Variants in SRP9 observed in about 807,000 individuals in gnomAD.
The protein encoded by SRP9 is signal recognition particle 9 kDa protein.
A neutral mutation model predicts 11.7 loss-of-function variants in SRP9; 2 were observed. The observed-to-expected ratio is 0.17, with a 90% CI of 0.07 to 0.54. SRP9 has a LOEUF of 0.54. Among genes scored for constraint, SRP9 ranks in the 20% least tolerant of loss-of-function variants. The pLI is 0.94. For missense variants in SRP9, 54 were observed against 108.1 expected, an observed-to-expected ratio of 0.50 and a Z score of 2.22; for synonymous variants, 27 against 35.6, an observed-to-expected ratio of 0.76 and a Z score of 0.86.
At chr1:225,784,229 C>CTTTTTTTTTTTTTTTTTTTTTTTTT in intron 2 of SRP9, among the ~76,000 whole-genome samples, 1 of 34,420 alleles carries the variant, frequency 2.9e-5, no homozygotes, top group Non-Finnish European at 5.0e-5. Context: ...ATCACCTGTT[C>CTTTTTTTTTTTTTTTTTTTTTTTTT]TTTTTTTTTT....
At chr1:225,784,805 G>A (rs2102649893) in intron 2 of SRP9, among the ~76,000 whole-genome samples, 1 of 151,988 alleles carries the variant, frequency 6.6e-6, no homozygotes, top group East Asian at 2.0e-4. Flanking sequence ...TCGTGCCACT[G>A]CACTCCAGCC....
intron 2 of SRP9, among the ~76,000 whole-genome samples, chr1:225,788,666 G>C (rs531127322): frequency 3.9e-5 from 6 of 151,950 alleles, no homozygotes; most frequent in African/African-American, 1.4e-4. Context: ...CGCCTGCCTC[G>C]GCCTCCCAGA....
intron 2 of SRP9, among the ~76,000 whole-genome samples, chr1:225,784,387 C>T (rs1214713370): frequency 2.0e-5 from 3 of 150,216 alleles, no homozygotes; most frequent in African/African-American, 7.3e-5. Flanking sequence ...GCTGGGACTA[C>T]AGGCACCCAC....
intron 2 of SRP9, among the ~76,000 whole-genome samples, chr1:225,786,421 A>G (rs1665918215): frequency 6.6e-6 from 1 of 152,194 alleles, no homozygotes; most frequent in Non-Finnish European, 1.5e-5. Context: ...TTAAATAGTT[A>G]GTTCTTTTGA....
intron 1 of SRP9, among the ~76,000 whole-genome samples, chr1:225,782,353 ACGGGGTTTCAC>A (rs1266802205): frequency 6.6e-6 from 1 of 151,832 alleles, no homozygotes; most frequent in Non-Finnish European, 1.5e-5. Flanking sequence ...TTTAGTAGAG[ACGGGGTTTCAC>A]CGTGTTAGCC....
chr1:225,783,181 C>A, intron 1 of SRP9, 119 bp from the exon 2 acceptor site: 2 of 662,626 alleles, frequency 3.0e-6, no homozygotes, highest in Non-Finnish European at 5.0e-6. Context: ...GTAAAAATGC[C>A]TTTAGATGTT....
chr1:225,786,401 T>G (rs1461707772), intron 2 of SRP9, among the ~76,000 whole-genome samples: 2 of 152,270 alleles, frequency 1.3e-5, no homozygotes, highest in African/African-American at 2.4e-5. Flanking sequence ...GAGCACTCAG[T>G]AAACATTTTT....
chr1:225,788,573 G>A (rs1049027957), intron 2 of SRP9, among the ~76,000 whole-genome samples: 6 of 151,934 alleles, frequency 3.9e-5, no homozygotes, highest in Admixed American at 1.3e-4. Context: ...ACGCCACCAC[G>A]CCCAGCTAAT....
intron 1 of SRP9, among the ~76,000 whole-genome samples, chr1:225,780,178 ATTTTTTTTTTTT>A (rs67816765): frequency 3.1e-5 from 4 of 130,178 alleles, no homozygotes; most frequent in Admixed American, 8.2e-5. Context: ...TGCCTGCCTA[ATTTTTTTTTTTT>A]TTTTTTTTTT....
intron 1 of SRP9, among the ~76,000 whole-genome samples, chr1:225,783,001 A>G (rs530057878): frequency 1.3e-5 from 2 of 152,348 alleles, no homozygotes; most frequent in East Asian, 3.9e-4. Context: ...CCACCTTATA[A>G]GTCTCACAGA....
In SRP9 at chr1:225,790,111, T is replaced by C. The variant is rs1484159852; in HGVS notation, c.*752T>C. ...ATTACAGAAATATTTACTACATATT[T>C]TCCATCTGTAGTTTCTCAGAAGGGC... On this transcript the variant is annotated 3_prime_UTR_variant, in exon 3 of 3. Coordinates refer to ENST00000304786, the MANE Select transcript of SRP9 (RefSeq NM_003133.6). 1 of 152,200 alleles carries C rather than the reference T, an allele frequency of 6.6e-6. No individual in the cohort carries two copies. The highest frequency in any genetic ancestry group is 2.4e-5 in the African/African-American group (1 of 41,450). 9.4% of individuals were successfully genotyped at this position (152,200 alleles called of 1,614,324 possible).
At chr1:225,782,355 G>A (rs1396436737) in intron 1 of SRP9, among the ~76,000 whole-genome samples, 3 of 151,886 alleles carry the variant, frequency 2.0e-5, no homozygotes, top group Admixed American at 2.0e-4. Context: ...TAGTAGAGAC[G>A]GGGTTTCACC....
intron 2 of SRP9, 74 bp from the exon 3 acceptor site, chr1:225,789,165 AC>A: frequency 1.3e-6 from 2 of 1,557,734 alleles, no homozygotes; most frequent in East Asian, 4.8e-5. Context: ...TCAAAATTTT[AC>A]CCAATTGTAT....
intron 2 of SRP9, among the ~76,000 whole-genome samples, chr1:225,788,569 C>T (rs897528440): frequency 1.3e-5 from 2 of 152,070 alleles, no homozygotes; most frequent in Non-Finnish European, 2.9e-5. Flanking sequence ...GCACACGCCA[C>T]CACGCCCAGC....
rs1559003794 is a variant in SRP9 at position 225,778,024 on chromosome 1, G to GC, written c.72+13dup. ...CTGACCCTATGAAGGTAAATCGCTG[G>GC]CGGGGCCGCTGCTTTGGGCCCCAGC... On this transcript the variant is annotated intron_variant, in intron 1 of 2. Transcript: ENST00000304786. 1 of 1,614,122 alleles carries GC rather than the reference G, an allele frequency of 6.2e-7. No individual in the cohort carries two copies. Among genetic ancestry groups the GC allele is most frequent in the East Asian group, 2.2e-5 (1 of 44,872 alleles).
Position 225,777,838 on chromosome 1 carries a change from G to C in SRP9, c.-103G>C. On this transcript the variant is annotated 5_prime_UTR_variant, in exon 1 of 3. Transcript: ENST00000304786. ...GGTGCGAGGAGGCGCCGCCATCTTGGGGCTGCTGGGACTCGCGTCGGTTGG... is the reference window on the plus strand; with the variant it reads ...GGTGCGAGGAGGCGCCGCCATCTTGCGGCTGCTGGGACTCGCGTCGGTTGG... 1 of 1,159,460 alleles carries C rather than the reference G, an allele frequency of 8.6e-7. No homozygotes were observed. Among genetic ancestry groups the C allele is most frequent in the South Asian group, 1.3e-5 (1 of 74,822 alleles). The allele number at this position is 1,159,460 out of a possible 1,614,324, so 71.8% of individuals were successfully genotyped here.
intron 1 of SRP9, among the ~76,000 whole-genome samples, chr1:225,780,921 A>G (rs1575951366): frequency 6.6e-6 from 1 of 152,344 alleles, no homozygotes; most frequent in South Asian, 2.1e-4. Context: ...TGTCTAAAAA[A>G]CAAAAGTTGA....
Position 225,785,679 on chromosome 1 carries a change from CTTTTTTT to C in SRP9, c.141+2325_141+2331del, listed in dbSNP as rs59464847. Among the ~76,000 whole-genome samples the C allele has an allele frequency of 5.7e-5, 7 of 123,058 alleles. No individual in the cohort carries two copies. In the South Asian group the frequency reaches 1.9e-3, roughly 33 times the overall value. The allele number at this position is 123,058 out of a possible 152,430, so 80.7% of individuals were successfully genotyped here. A position where few individuals can be genotyped will look rare whatever the true frequency, so the allele number is the denominator to read the frequency against. ...ATAGGCGTGAGCCACTGTGCCTGGA[CTTTTTTT>C]TTTTTTTTTTTTTAAAGAAGGAGTC... On this transcript the variant is annotated intron_variant, in intron 2 of 2. Coordinates refer to ENST00000304786, the MANE Select transcript of SRP9 (RefSeq NM_003133.6).
At chr1:225,786,318 A>G (rs1665910296) in intron 2 of SRP9, among the ~76,000 whole-genome samples, 1 of 152,242 alleles carries the variant, frequency 6.6e-6, no homozygotes, top group Non-Finnish European at 1.5e-5. Context: ...CTGCCCTTCA[A>G]GACAATAGAG....
Sources: allele counts gnomAD v4.1 joint callset (sites outside exome capture counted in the v4.1 genomes callset), GRCh38; gene constraint gnomAD v4.1.1; transcripts MANE v1.5; gene names NCBI Gene and HGNC (gene_info 2026-07-23, HGNC 2026-07-21).